FGGY: variants seen among roughly 807,000 people sequenced by gnomAD.
FGGY encodes FGGY carbohydrate kinase domain containing, also known as FGGY carbohydrate kinase domain-containing protein.
FGGY carries 72 observed loss-of-function variants against 71.3 expected under a neutral mutation model. That is an observed-to-expected ratio of 1.01 (90% CI 0.84 to 1.23). The LOEUF (loss-of-function observed/expected upper bound fraction) is 1.23. Among genes scored for constraint, FGGY ranks in the 50% most tolerant of loss-of-function variants. The pLI is 0.00. For synonymous variants in FGGY, 251 were observed against 250.3 expected, an observed-to-expected ratio of 1.00 and a Z score of -0.02; for missense variants, 668 against 682.3, an observed-to-expected ratio of 0.98 and a Z score of 0.23.
intron 7 of FGGY, among the ~76,000 whole-genome samples, chr1:59,515,617 T>C (rs956274712): frequency 9.9e-5 from 15 of 152,268 alleles, no homozygotes; most frequent in African/African-American, 1.4e-4. Context: ...GGGGAGGGAA[T>C]TGAATCATAA....
At chr1:59,460,740 A>G (rs1316820218) in intron 6 of FGGY, among the ~76,000 whole-genome samples, 1 of 152,364 alleles carries the variant, frequency 6.6e-6, no homozygotes, top group East Asian at 1.9e-4. Context: ...GCTGTTCTGC[A>G]GTATTTGTTG....
intron 5 of FGGY, among the ~76,000 whole-genome samples, chr1:59,403,886 A>G (rs2062345801): frequency 6.6e-6 from 1 of 152,180 alleles, no homozygotes; most frequent in African/African-American, 2.4e-5. Flanking sequence ...CAGTTTCCTC[A>G]TCTCAGATGA....
intron 8 of FGGY, among the ~76,000 whole-genome samples, chr1:59,603,481 G>A (rs1207579290): frequency 1.3e-5 from 2 of 152,158 alleles, no homozygotes; most frequent in African/African-American, 2.4e-5. Context: ...GAGAGCTAAC[G>A]TTTATTTGGT....
intron 14 of FGGY, among the ~76,000 whole-genome samples, chr1:59,747,553 C>T (rs1011519058): frequency 2.0e-5 from 3 of 152,136 alleles, no homozygotes; most frequent in African/African-American, 7.2e-5. Flanking sequence ...CACATGTGCA[C>T]AAAACCAACA....
chr1:59,394,619 G>T (rs1401239108), intron 5 of FGGY, among the ~76,000 whole-genome samples: 1 of 152,114 alleles, frequency 6.6e-6, no homozygotes, highest in Non-Finnish European at 1.5e-5. Flanking sequence ...TTTGTTGCTG[G>T]CGTATAAGAC....
At chr1:59,327,228 A>T (rs569244654) in intron 2 of FGGY, among the ~76,000 whole-genome samples, 31 of 152,346 alleles carry the variant, frequency 2.0e-4, no homozygotes, top group Non-Finnish European at 3.2e-4. Context: ...CCATGGCAGG[A>T]CTTCTTTCAA....
At chr1:59,421,475 C>T (rs1237054178) in intron 5 of FGGY, among the ~76,000 whole-genome samples, 2 of 104,730 alleles carry the variant, frequency 1.9e-5, no homozygotes, top group Non-Finnish European at 4.6e-5. Context: ...CCCTCCATCT[C>T]TCCCTCTCCC....
chr1:59,592,054 A>T (rs894302983), intron 8 of FGGY, among the ~76,000 whole-genome samples: 1 of 152,238 alleles, frequency 6.6e-6, no homozygotes, highest in African/African-American at 2.4e-5. Flanking sequence ...ACAAAGGGCT[A>T]ATATTCAGAA....
intron 7 of FGGY, among the ~76,000 whole-genome samples, chr1:59,522,936 C>T (rs1166913390): frequency 6.6e-6 from 1 of 152,314 alleles, no homozygotes; most frequent in Middle Eastern, 3.4e-3. Flanking sequence ...TAAACAAGCT[C>T]TGATCATCTC....
chr1:59,566,852 T>C (rs2095880864), intron 8 of FGGY, among the ~76,000 whole-genome samples: 1 of 152,054 alleles, frequency 6.6e-6, no homozygotes, highest in African/African-American at 2.4e-5. Context: ...GAACTGAGTA[T>C]AGTGATGTTT....
intron 11 of FGGY, among the ~76,000 whole-genome samples, chr1:59,641,822 G>A (rs551404555): frequency 3.0e-4 from 45 of 152,188 alleles, no homozygotes; most frequent in Non-Finnish European, 6.2e-4. Flanking sequence ...AAAGTCATGT[G>A]TGATCCACTG....
intron 6 of FGGY, among the ~76,000 whole-genome samples, chr1:59,460,309 AGT>A (rs2153519109): frequency 6.6e-6 from 1 of 152,306 alleles, no homozygotes; most frequent in South Asian, 2.1e-4. Flanking sequence ...CTAGCACAGC[AGT>A]CCGAGATCGA....
At chr1:59,536,368 A>G (rs2095315060) in intron 7 of FGGY, among the ~76,000 whole-genome samples, 1 of 152,252 alleles carries the variant, frequency 6.6e-6, no homozygotes, top group South Asian at 2.1e-4. Context: ...GTCCAGGACC[A>G]GATGGATTCA....
At chr1:59,667,194 T>A (rs1049875195) in intron 12 of FGGY, 89 bp from the exon 13 acceptor site, 1 of 1,499,204 alleles carries the variant, frequency 6.7e-7, no homozygotes, top group Admixed American at 1.7e-5. Flanking sequence ...CTTAGTACAG[T>A]GTCTAGCACT....
At chr1:59,586,434 A>G (rs896276253) in intron 8 of FGGY, among the ~76,000 whole-genome samples, 10 of 152,054 alleles carry the variant, frequency 6.6e-5, no homozygotes, top group Admixed American at 5.2e-4. Context: ...ACATGTTCTC[A>G]CTCATAGGTG....
intron 4 of FGGY, among the ~76,000 whole-genome samples, chr1:59,370,574 C>T (rs560794795): frequency 1.4e-4 from 21 of 151,630 alleles, no homozygotes; most frequent in African/African-American, 4.8e-4. Flanking sequence ...AGATACTCCT[C>T]GAGAAGAGCA....
At chr1:59,474,501 C>T (rs536345791) in intron 6 of FGGY, among the ~76,000 whole-genome samples, 1 of 152,214 alleles carries the variant, frequency 6.6e-6, no homozygotes, top group Non-Finnish European at 1.5e-5. Context: ...GGTGGTTCTA[C>T]TCCTTCCTGC....
intron 6 of FGGY, among the ~76,000 whole-genome samples, chr1:59,503,712 A>C (rs1451269668): frequency 6.6e-6 from 1 of 150,408 alleles, no homozygotes; most frequent in Non-Finnish European, 1.5e-5. Context: ...AATTAAATAT[A>C]AGGAACATGA....
chr1:59,488,097 T>C (rs2093709188), intron 6 of FGGY, among the ~76,000 whole-genome samples: 1 of 152,160 alleles, frequency 6.6e-6, no homozygotes, highest in Non-Finnish European at 1.5e-5. Context: ...GTGACATTAT[T>C]GCATATTCAT....
Sources: allele counts gnomAD v4.1 joint callset (sites outside exome capture counted in the v4.1 genomes callset), GRCh38; gene constraint gnomAD v4.1.1; transcripts MANE v1.5; gene names NCBI Gene and HGNC (gene_info 2026-07-23, HGNC 2026-07-21).